TENM3: variants seen among roughly 807,000 people sequenced by gnomAD.
The protein encoded by TENM3 is teneurin-3.
Under a neutral mutation model 255.1 loss-of-function variants are expected in TENM3, and 63 were observed. The ratio of observed to expected loss-of-function variants is 0.25; its 90% CI spans 0.20 to 0.30. The LOEUF is 0.30. Among genes scored for constraint, TENM3 ranks in the 10% least tolerant of loss-of-function variants. The probability of loss-of-function intolerance (pLI) is 1.00; values close to 1 mark genes in which losing one functional copy is unlikely to be tolerated. For missense variants in TENM3, 2,929 were observed against 3,461.1 expected, an observed-to-expected ratio of 0.85 and a Z score of 3.86; for synonymous variants, 1,306 against 1,322.3, an observed-to-expected ratio of 0.99 and a Z score of 0.27.
At chr4:181,835,972 G>T in the TENM3 span, among the ~76,000 whole-genome samples, 20 of 152,028 alleles carry the variant, frequency 1.3e-4, no homozygotes, top group East Asian at 1.4e-3. Context: ...AACTACGTTT[G>T]CCTGTCTCCC....
At chr4:182,212,192 G>A (rs982070759) in intron 1 of TENM3, among the ~76,000 whole-genome samples, 1 of 152,184 alleles carries the variant, frequency 6.6e-6, no homozygotes, top group African/African-American at 2.4e-5. Flanking sequence ...TTTTTCAAGT[G>A]AAACCAAGAC....
the TENM3 span, among the ~76,000 whole-genome samples, chr4:181,653,388 G>C: frequency 6.7e-5 from 10 of 149,168 alleles, no homozygotes; most frequent in Non-Finnish European, 1.5e-4. Flanking sequence ...CCAATCCATT[G>C]TTTTGTTTTG....
At chr4:182,544,233 C>T (rs1471389645) in intron 3 of TENM3, among the ~76,000 whole-genome samples, 5 of 151,924 alleles carry the variant, frequency 3.3e-5, no homozygotes, top group African/African-American at 4.8e-5. Flanking sequence ...TGTGTTTTCT[C>T]GCCTTTCCAA....
At chr4:182,497,253 A>G (rs1735865282) in intron 3 of TENM3, among the ~76,000 whole-genome samples, 1 of 151,906 alleles carries the variant, frequency 6.6e-6, no homozygotes, top group Non-Finnish European at 1.5e-5. Context: ...GGGTTTCACC[A>G]TGTTGGCCAA....
chr4:182,625,082 G>A (rs1750693411), intron 4 of TENM3, among the ~76,000 whole-genome samples: 1 of 152,162 alleles, frequency 6.6e-6, no homozygotes, highest in Admixed American at 6.5e-5. Context: ...ACAATACAGT[G>A]CTTAGTAGGT....
At chr4:182,078,486 C>T in the TENM3 span, among the ~76,000 whole-genome samples, 1 of 152,132 alleles carries the variant, frequency 6.6e-6, no homozygotes, top group Non-Finnish European at 1.5e-5. Flanking sequence ...CATGCCACTG[C>T]ACTCCATCCT....
chr4:181,955,558 A>G, the TENM3 span, among the ~76,000 whole-genome samples: 1 of 152,194 alleles, frequency 6.6e-6, no homozygotes, highest in African/African-American at 2.4e-5. Context: ...CATGGCAAGA[A>G]GGGGCCAGTG....
chr4:182,354,598 A>G (rs1053340872), intron 3 of TENM3, among the ~76,000 whole-genome samples: 6 of 152,220 alleles, frequency 3.9e-5, no homozygotes, highest in Non-Finnish European at 8.8e-5. Flanking sequence ...AACATTACAT[A>G]CACATATAAT....
chr4:181,596,698 T>C, the TENM3 span, among the ~76,000 whole-genome samples: 1 of 152,100 alleles, frequency 6.6e-6, no homozygotes, highest in African/African-American at 2.4e-5. Context: ...CCATCAATGA[T>C]AGACTGGATA....
At chr4:182,203,249 G>T (rs1259529939) in intron 1 of TENM3, among the ~76,000 whole-genome samples, 1 of 151,762 alleles carries the variant, frequency 6.6e-6, no homozygotes, top group Non-Finnish European at 1.5e-5. Flanking sequence ...AAGAAAATGG[G>T]CTCAAATAGA....
At chr4:181,939,802 A>G in the TENM3 span, among the ~76,000 whole-genome samples, 13 of 152,242 alleles carry the variant, frequency 8.5e-5, no homozygotes, top group Non-Finnish European at 1.5e-4. Flanking sequence ...TGCCTCCTCC[A>G]GGGTGAATCT....
At chr4:182,719,914 A>C (rs886657300) in intron 13 of TENM3, among the ~76,000 whole-genome samples, 1 of 152,036 alleles carries the variant, frequency 6.6e-6, no homozygotes, top group Non-Finnish European at 1.5e-5. Context: ...TATAAAAATC[A>C]GGCAGGCGTG....
At chr4:181,805,930 C>T in the TENM3 span, among the ~76,000 whole-genome samples, 1 of 152,088 alleles carries the variant, frequency 6.6e-6, no homozygotes, top group Non-Finnish European at 1.5e-5. Flanking sequence ...CATCTCTTTC[C>T]CCGTAAAATA....
the TENM3 span, among the ~76,000 whole-genome samples, chr4:181,679,981 G>A: frequency 3.5e-3 from 530 of 152,216 alleles, 4 homozygotes; most frequent in African/African-American, 0.012. Flanking sequence ...CAAATTGCTC[G>A]TGTATGTCAT....
chr4:182,100,806 TACACATATATATACAC>T, the TENM3 span, among the ~76,000 whole-genome samples: 71 of 5,920 alleles, frequency 0.012, 16 homozygotes, highest in Middle Eastern at 0.1. Context: ...CACATATATA[TACACATATATATACAC>T]ATATATATAT....
intron 3 of TENM3, among the ~76,000 whole-genome samples, chr4:182,473,977 A>G (rs1733417241): frequency 1.3e-5 from 2 of 152,182 alleles, no homozygotes; most frequent in African/African-American, 4.8e-5. Flanking sequence ...TTTTAAATAT[A>G]AATAAATAAA....
intron 3 of TENM3, among the ~76,000 whole-genome samples, chr4:182,575,522 A>AG (rs1462607226): frequency 6.6e-6 from 1 of 152,238 alleles, no homozygotes; most frequent in Non-Finnish European, 1.5e-5. Context: ...TGGTTTAAAA[A>AG]GAGACACAGG....
chr4:182,131,380 T>G, the TENM3 span, among the ~76,000 whole-genome samples: 1 of 152,340 alleles, frequency 6.6e-6, no homozygotes. Flanking sequence ...TAGTTCATTT[T>G]TCTTTCTGTT....
At chr4:181,857,968 G>A in the TENM3 span, among the ~76,000 whole-genome samples, 2 of 152,180 alleles carry the variant, frequency 1.3e-5, no homozygotes, top group East Asian at 1.9e-4. Context: ...CCCAAGCCAG[G>A]CCATCACACT....
Sources: allele counts gnomAD v4.1 joint callset (sites outside exome capture counted in the v4.1 genomes callset), GRCh38; gene constraint gnomAD v4.1.1; transcripts MANE v1.5; gene names NCBI Gene and HGNC (gene_info 2026-07-23, HGNC 2026-07-21).